TEC: variants seen among roughly 807,000 people sequenced by gnomAD.
The protein encoded by TEC is tec protein tyrosine kinase.
Under a neutral mutation model 93.0 loss-of-function variants are expected in TEC, and 72 were observed. The ratio of observed to expected loss-of-function variants is 0.77; its 90% CI spans 0.64 to 0.94. TEC has a LOEUF of 0.94. Ranked by LOEUF, TEC falls within the 40% of genes least tolerant of loss-of-function variation. The pLI is 0.00. For missense variants in TEC, 630 were observed against 757.9 expected, an observed-to-expected ratio of 0.83 and a Z score of 1.98; for synonymous variants, 249 against 247.7, an observed-to-expected ratio of 1.01 and a Z score of -0.05.
intron 14 of TEC, 31 bp from the exon 15 acceptor site, chr4:48,141,450 T>A: frequency 6.3e-7 from 1 of 1,599,054 alleles, no homozygotes; most frequent in Non-Finnish European, 8.6e-7. Context: ...GGTATATTAG[T>A]TTAAAAATTC....
chr4:48,169,353 C>T (rs1721008961), intron 5 of TEC, among the ~76,000 whole-genome samples: 2 of 151,840 alleles, frequency 1.3e-5, no homozygotes, highest in African/African-American at 4.8e-5. Context: ...ACTGTGCATT[C>T]ACTAATACCA....
intron 2 of TEC, among the ~76,000 whole-genome samples, chr4:48,209,419 TAG>T (rs141879893): frequency 6.6e-6 from 1 of 151,212 alleles, no homozygotes; most frequent in Non-Finnish European, 1.5e-5. Flanking sequence ...CCTGGCAACA[TAG>T]AGAGAGCTCA....
intron 2 of TEC, among the ~76,000 whole-genome samples, chr4:48,197,769 AC>A (rs1355796341): frequency 1.3e-5 from 2 of 152,186 alleles, no homozygotes; most frequent in Non-Finnish European, 2.9e-5. Context: ...ACTTTTTCAT[AC>A]CCAAAGCAGG....
chr4:48,231,776 T>C (rs1485823226), intron 1 of TEC, among the ~76,000 whole-genome samples: 1 of 151,230 alleles, frequency 6.6e-6, no homozygotes, highest in Admixed American at 6.6e-5. Flanking sequence ...CAACAAAGAA[T>C]GGATACCAGG....
chr4:48,177,477 G>A (rs1200559153), intron 2 of TEC, among the ~76,000 whole-genome samples: 1 of 152,014 alleles, frequency 6.6e-6, no homozygotes, highest in African/African-American at 2.4e-5. Flanking sequence ...CACAAGCTTT[G>A]GGGTCCCCAC....
intron 14 of TEC, chr4:48,141,675 T>TTTC: frequency 3.0e-6 from 1 of 330,612 alleles, no homozygotes; most frequent in Non-Finnish European, 5.4e-6. Flanking sequence ...CTTTTTTTTT[T>TTTC]CTTTTCTTTC....
chr4:48,247,644 G>A (rs1724096493), intron 1 of TEC, among the ~76,000 whole-genome samples: 1 of 152,124 alleles, frequency 6.6e-6, no homozygotes, highest in Admixed American at 6.5e-5. Context: ...AGATAGAAAC[G>A]GCAACAAGTT....
intron 1 of TEC, among the ~76,000 whole-genome samples, chr4:48,229,421 G>T (rs564342713): frequency 5.9e-5 from 9 of 152,296 alleles, no homozygotes; most frequent in Admixed American, 2.6e-4. Flanking sequence ...TTCAAAAAAG[G>T]CTTGAAGATT....
rs537830480 is a variant in TEC, at chr4:48,205,269, C to T, written c.138+23208G>A. On this transcript the variant is annotated intron_variant, in intron 2 of 17. Transcript: ENST00000381501. ...ATAATAGCAGGCAGCCTCAGTGAGG[C>T]TCACTTCACCTGATTCTCCCTTCCA... Among the ~76,000 whole-genome samples the T allele has an allele frequency of 7.7e-4, 118 of 152,300 alleles. 1 individual carries two copies. The South Asian group carries it at 7.9e-3, about 10-fold the overall frequency.
At chr4:48,188,248 A>C (rs75097005) in intron 2 of TEC, among the ~76,000 whole-genome samples, 6,665 of 152,278 alleles carry the variant, frequency 0.044, 389 homozygotes, top group East Asian at 0.22. Context: ...AATGTAAGGA[A>C]GAAAGAAACT....
rs532438469 is a variant in TEC, at chr4:48,138,814, T to C, written c.1663A>G (p.Met555Val). ...KSDVWSFGVL[M>V]WEVFTEGRMP... is the part of the protein sequence containing the mutation. Reference sequence around the variant, plus strand: ...CTGCCTTCCGTGAATACTTCCCACATTAAAACACCTGGAAAAGGATAAGGA... The same window carrying C: ...CTGCCTTCCGTGAATACTTCCCACACTAAAACACCTGGAAAAGGATAAGGA... Residue 555 changes from methionine to valine, a missense_variant, in exon 17 of 18, where the codon ATG (methionine) becomes GTG (valine). Physicochemically the swap from Met to Val is conservative, Grantham distance 21. Coordinates refer to ENST00000381501, the MANE Select transcript of TEC (RefSeq NM_003215.3). 1 of 1,613,716 alleles carries C rather than the reference T, an allele frequency of 6.2e-7. No individual in the cohort carries two copies. Among genetic ancestry groups the C allele is most frequent in the Non-Finnish European group, 8.5e-7 (1 of 1,179,718 alleles).
intron 2 of TEC, among the ~76,000 whole-genome samples, chr4:48,212,240 G>C (rs1317211744): frequency 6.6e-6 from 1 of 151,644 alleles, no homozygotes; most frequent in Non-Finnish European, 1.5e-5. Flanking sequence ...CAGGGGTACA[G>C]TGCGGAAAAA....
chr4:48,237,700 T>C (rs780832621), intron 1 of TEC, among the ~76,000 whole-genome samples: 4 of 152,218 alleles, frequency 2.6e-5, no homozygotes, highest in Admixed American at 6.5e-5. Context: ...CAATATTATA[T>C]AATTCAATTT....
chr4:48,227,735 C>T (rs1337698056), intron 2 of TEC, among the ~76,000 whole-genome samples: 1 of 152,030 alleles, frequency 6.6e-6, no homozygotes, highest in African/African-American at 2.4e-5. Flanking sequence ...GCAACCCAGC[C>T]CCTGGTCATT....
intron 1 of TEC, among the ~76,000 whole-genome samples, chr4:48,242,345 AC>A (rs1258060090): frequency 2.0e-5 from 3 of 152,222 alleles, no homozygotes; most frequent in Non-Finnish European, 4.4e-5. Flanking sequence ...CTGATCTAGC[AC>A]CCAGAACACT....
chr4:48,149,185 T>C lies in TEC; in HGVS notation c.1006+372A>G, dbSNP rs144460495. On this transcript the variant is annotated intron_variant, in intron 11 of 17. Coordinates refer to ENST00000381501, the MANE Select transcript of TEC (RefSeq NM_003215.3). ...AATGATTTATATTCCTTTGGGTATATACCCAAGTAATGGGATTGCTGGCTT... is the reference window on the plus strand; with the variant it reads ...AATGATTTATATTCCTTTGGGTATACACCCAAGTAATGGGATTGCTGGCTT... 7.1e-3 allele frequency among the ~76,000 whole-genome samples: 1,087 copies of C among 152,326 alleles called. 15 individuals carry two copies. The highest frequency in any genetic ancestry group is 0.025 in the African/African-American group (1,025 of 41,564).
At chr4:48,212,110 A>AAAAAAATATATAT in intron 2 of TEC, among the ~76,000 whole-genome samples, 2 of 122,264 alleles carry the variant, frequency 1.6e-5, no homozygotes, top group African/African-American at 6.0e-5. Context: ...AAAAAAAAAA[A>AAAAAAATATATAT]ATATATATAT....
intron 1 of TEC, among the ~76,000 whole-genome samples, chr4:48,239,850 T>C (rs1486261072): frequency 1.3e-5 from 2 of 152,174 alleles, no homozygotes; most frequent in African/African-American, 4.8e-5. Context: ...CTGAAATGTA[T>C]GAGACAATTA....
intron 2 of TEC, among the ~76,000 whole-genome samples, chr4:48,207,285 T>C (rs1722746358): frequency 6.6e-6 from 1 of 152,162 alleles, no homozygotes; most frequent in South Asian, 2.1e-4. Context: ...CCTGACAGAC[T>C]AGTGATTCTG....
Sources: allele counts gnomAD v4.1 joint callset (sites outside exome capture counted in the v4.1 genomes callset), GRCh38; gene constraint gnomAD v4.1.1; transcripts MANE v1.5; gene names NCBI Gene and HGNC (gene_info 2026-07-23, HGNC 2026-07-21).